Variants in LIN52 observed in about 807,000 individuals in gnomAD.
LIN52 encodes the protein protein lin-52 homolog.
In LIN52, 4 loss-of-function variants were observed where a neutral mutation model predicts 18.5. The observed-to-expected ratio is 0.22, with a 90% CI of 0.11 to 0.49. LIN52 has a LOEUF of 0.49. LIN52 is among the 20% of genes least tolerant of loss of function. LIN52 has a pLI of 0.97. For missense variants in LIN52, 102 were observed against 139.5 expected, an observed-to-expected ratio of 0.73 and a Z score of 1.35; for synonymous variants, 34 against 45.5, an observed-to-expected ratio of 0.75 and a Z score of 1.02.
At chr14:74,098,037 A>C (rs2060827246) in intron 4 of LIN52, among the ~76,000 whole-genome samples, 177 bp downstream of exon 4, 1 of 152,132 alleles carries the variant, frequency 6.6e-6, no homozygotes, top group South Asian at 2.1e-4. Context: ...CCATGTGTAG[A>C]AATCCTGCCA....
At chr14:74,118,770 A>G (rs1015279676) in intron 5 of LIN52, among the ~76,000 whole-genome samples, 7 of 152,160 alleles carry the variant, frequency 4.6e-5, no homozygotes, top group African/African-American at 1.4e-4. Context: ...GTGAGACCCT[A>G]TCTCAAAACA....
intron 5 of LIN52, among the ~76,000 whole-genome samples, chr14:74,137,749 C>T (rs1208972257): frequency 7.9e-5 from 12 of 152,068 alleles, no homozygotes; most frequent in Admixed American, 6.5e-5. Context: ...CCGCCTGCCT[C>T]AGCCTCCCAA....
intron 1 of LIN52, among the ~76,000 whole-genome samples, chr14:74,085,835 T>G (rs1197307851): frequency 6.6e-6 from 1 of 152,174 alleles, no homozygotes. Context: ...TCGATTTTAT[T>G]GATATATAGG....
intron 2 of LIN52, among the ~76,000 whole-genome samples, chr14:74,093,892 G>A (rs750127304): frequency 1.3e-5 from 2 of 151,948 alleles, no homozygotes; most frequent in Non-Finnish European, 2.9e-5. Flanking sequence ...GCTTGAACCC[G>A]GGAGGCAGAG....
intron 5 of LIN52, among the ~76,000 whole-genome samples, chr14:74,122,655 C>T (rs2061006748): frequency 1.3e-5 from 2 of 152,058 alleles, no homozygotes; most frequent in African/African-American, 2.4e-5. Context: ...CACTTGAGGT[C>T]AGGAGTTTGA....
At chr14:74,085,147 C>A in intron 1 of LIN52, 154 bp downstream of exon 1, 1 of 640,596 alleles carries the variant, frequency 1.6e-6, no homozygotes, top group Non-Finnish European at 2.3e-6. Flanking sequence ...CCGTCTTCAG[C>A]TCACCGGTTC....
At chr14:74,159,433 G>A (rs566595305) in intron 5 of LIN52, among the ~76,000 whole-genome samples, 11 of 152,270 alleles carry the variant, frequency 7.2e-5, no homozygotes, top group African/African-American at 2.2e-4. Context: ...ATTATCTGCA[G>A]TATAATGTTA....
At chr14:74,123,512 A>G (rs552929462) in intron 5 of LIN52, among the ~76,000 whole-genome samples, 2 of 152,312 alleles carry the variant, frequency 1.3e-5, no homozygotes, top group East Asian at 3.9e-4. Flanking sequence ...GTGGAAATAA[A>G]TACCTAGGAG....
intron 5 of LIN52, among the ~76,000 whole-genome samples, chr14:74,125,808 T>A (rs1374295828): frequency 2.7e-5 from 4 of 146,004 alleles, no homozygotes; most frequent in Non-Finnish European, 4.5e-5. Flanking sequence ...AAACACCGCA[T>A]GTTCTCACTC....
chr14:74,088,388 C>T (rs924474009), intron 1 of LIN52, among the ~76,000 whole-genome samples: 2 of 151,898 alleles, frequency 1.3e-5, no homozygotes, highest in Non-Finnish European at 2.9e-5. Flanking sequence ...ACCATGCCCC[C>T]ACCTTATTAT....
At position 74,147,127 on chromosome 14, in the gene LIN52, G is replaced by T. The variant is rs747396563; in HGVS notation, c.283+45889G>T. On this transcript the variant is annotated intron_variant, in intron 5 of 5. Transcript: ENST00000555028. ...TACAAAATTAGCTGGGCATGACAAC[G>T]CACCCCTGTAATCCCAGCTACTTGG... Among the ~76,000 whole-genome samples, 4 of 152,094 alleles carry T rather than the reference G, an allele frequency of 2.6e-5. No homozygotes were observed. The South Asian group carries it at 8.3e-4, about 32-fold the overall frequency.
At chr14:74,106,094 A>G (rs988802748) in intron 5 of LIN52, among the ~76,000 whole-genome samples, 1 of 152,208 alleles carries the variant, frequency 6.6e-6, no homozygotes, top group African/African-American at 2.4e-5. Flanking sequence ...CTTGAAATAT[A>G]TAGAAATATT....
At chr14:74,098,550 GTT>G (rs201139743) in intron 4 of LIN52, among the ~76,000 whole-genome samples, 1 of 140,392 alleles carries the variant, frequency 7.1e-6, no homozygotes. Context: ...TTTAACTCTG[GTT>G]TTTTTTTTTT....
chr14:74,086,048 C>T (rs368461685), intron 1 of LIN52, among the ~76,000 whole-genome samples: 14 of 151,944 alleles, frequency 9.2e-5, no homozygotes, highest in African/African-American at 3.1e-4. Flanking sequence ...TTTTAGATGT[C>T]ACCTCCCAAA....
At chr14:74,186,916 T>A (rs1209663288) in intron 5 of LIN52, among the ~76,000 whole-genome samples, 5 of 152,118 alleles carry the variant, frequency 3.3e-5, no homozygotes, top group African/African-American at 1.2e-4. Flanking sequence ...CCATCTCTCC[T>A]GAAAATACAA....
chr14:74,179,267 G>A (rs1045764656), intron 5 of LIN52, among the ~76,000 whole-genome samples: 1 of 152,040 alleles, frequency 6.6e-6, no homozygotes, highest in African/African-American at 2.4e-5. Flanking sequence ...TTATTGCCCA[G>A]GCTGTCTTCT....
rs375293290 is a variant in LIN52 at position 74,171,407 on chromosome 14, C to T, written c.284-27515C>T. Among the ~76,000 whole-genome samples, 20 of 148,758 alleles carry T rather than the reference C, an allele frequency of 1.3e-4. No homozygotes were observed. The East Asian group carries it at 1.8e-3, about 13-fold the overall frequency. On this transcript the variant is annotated intron_variant, in intron 5 of 5. Coordinates refer to ENST00000555028, the MANE Select transcript of LIN52 (RefSeq NM_001024674.3). ...AAACAAAAGTCTGTTGTATTTTTTACACCAGAAACAATTAGAAAATAATGT... is the reference window on the plus strand; with the variant it reads ...AAACAAAAGTCTGTTGTATTTTTTATACCAGAAACAATTAGAAAATAATGT...
intron 5 of LIN52, among the ~76,000 whole-genome samples, chr14:74,136,067 G>A (rs1236537307): frequency 6.6e-6 from 1 of 152,128 alleles, no homozygotes; most frequent in African/African-American, 2.4e-5. Context: ...CTAGTTTGAG[G>A]AAACTTCTAG....
Position 74,104,670 on chromosome 14 carries a change from A to T in LIN52, c.283+3432A>T, listed in dbSNP as rs80183840. ...ATGTGTGCTGGTCTTTCTTTTTGTG[A>T]TACTAAGATTAATAGTTGATGGATT... On this transcript the variant is annotated intron_variant, in intron 5 of 5. Coordinates refer to ENST00000555028, the MANE Select transcript of LIN52 (RefSeq NM_001024674.3). Among the ~76,000 whole-genome samples, 1,250 of 150,578 alleles carry T rather than the reference A, an allele frequency of 8.3e-3. 17 individuals carry two copies. Among genetic ancestry groups the T allele is most frequent in the African/African-American group, 0.029 (1,186 of 40,918 alleles).
Sources: gnomAD v4.1 joint callset for allele counts (sites outside exome capture counted in the v4.1 genomes callset) on GRCh38, gnomAD v4.1.1 for gene constraint, MANE v1.5 for transcripts, NCBI Gene and HGNC (gene_info 2026-07-23, HGNC 2026-07-21) for gene names.